ARGFX: variants seen among roughly 807,000 people sequenced by gnomAD.
The protein encoded by ARGFX is arginine-fifty homeobox.
A neutral mutation model predicts 8.0 loss-of-function variants in ARGFX; 10 were observed. The observed-to-expected ratio is 1.25, with a 90% CI of 0.77 to 2.12. The LOEUF (loss-of-function observed/expected upper bound fraction) is 2.12, where lower values mean the gene tolerates loss of function less well. Ranked by LOEUF, ARGFX falls within the 30% of genes most tolerant of loss-of-function variation. The pLI is 0.00. For missense variants in ARGFX, 282 were observed against 324.3 expected (o/e 0.87, Z 1.00); for synonymous variants, 116 against 117.8 (o/e 0.98, Z 0.10).
In ARGFX at chr3:121,576,334, A is replaced by AATTT. The variant is rs1171410821; in HGVS notation, c.104-433_104-430dup. 2.2e-3 allele frequency among the ~76,000 whole-genome samples: 327 copies of AATTT among 152,008 alleles called. 1 individual carries two copies. The highest frequency in any genetic ancestry group is 7.5e-3 in the African/African-American group (312 of 41,478). On this transcript the variant is annotated intron_variant, in intron 2 of 4. Coordinates refer to ENST00000334384, the MANE Select transcript of ARGFX (RefSeq NM_001012659.2). ...CTAAAGTGTGTCTATTTCCAAACTC[A>AATTT]ATTTATTTATTTATTTATTTCTGAG...
chr3:121,584,989 G>T lies in ARGFX; in HGVS notation c.293G>T (p.Ser98Ile). ...QQYEELEALF[S>I]QTMFPDRNLQ... ...TATGAGGAGCTAGAAGCTCTGTTTAGCCAGACCATGTTCCCAGATAGAAAT... is the reference window on the plus strand; with the variant it reads ...TATGAGGAGCTAGAAGCTCTGTTTATCCAGACCATGTTCCCAGATAGAAAT... The change falls in exon 4 of 5, where the codon AGC becomes ATC. Residue 98 changes from serine to isoleucine, a missense_variant. By Grantham distance (142) the Ser-to-Ile change is moderately radical (BLOSUM62 -2). Transcript: ENST00000334384. 6.2e-7 allele frequency: 1 copy of T among 1,613,998 alleles called. No homozygotes were observed. Among genetic ancestry groups the T allele is most frequent in the Non-Finnish European group, 8.5e-7 (1 of 1,180,000 alleles).
In ARGFX at chr3:121,587,741, C is replaced by T. The variant is rs982502908; in HGVS notation, c.*1141C>T. 6.6e-6 allele frequency among the ~76,000 whole-genome samples: 1 copy of T among 152,150 alleles called. No individual in the cohort carries two copies. The highest frequency in any genetic ancestry group is 6.5e-5 in the Admixed American group (1 of 15,272). ...TGGCACCATCTTGGCTCACTGCAGC[C>T]TCTGCCTCCTGGGCTCAAACAGTCC... On this transcript the variant is annotated 3_prime_UTR_variant, in exon 5 of 5. Coordinates refer to ENST00000334384, the MANE Select transcript of ARGFX (RefSeq NM_001012659.2).
chr3:121,573,929 T>C (rs1230377688), intron 2 of ARGFX, among the ~76,000 whole-genome samples: 3 of 148,828 alleles, frequency 2.0e-5, no homozygotes, highest in Non-Finnish European at 4.5e-5. Context: ...GACAAATCCA[T>C]GAAAGATGCT....
chr3:121,585,856 C>A (rs1406799985), intron 4 of ARGFX, among the ~76,000 whole-genome samples, 166 bp from the exon 5 acceptor site: 1 of 152,092 alleles, frequency 6.6e-6, no homozygotes, highest in Non-Finnish European at 1.5e-5. Flanking sequence ...CTTCATCATC[C>A]CTCCTACTGA....
chr3:121,574,926 A>C (rs1325438442), intron 2 of ARGFX, among the ~76,000 whole-genome samples: 2 of 152,212 alleles, frequency 1.3e-5, no homozygotes, highest in East Asian at 3.8e-4. Flanking sequence ...AGTTCAGAAA[A>C]TTGATATGTT....
intron 2 of ARGFX, among the ~76,000 whole-genome samples, chr3:121,573,848 CAAAAAAAAAAA>C (rs35593006): frequency 3.4e-5 from 2 of 59,036 alleles, no homozygotes; most frequent in African/African-American, 1.4e-4. Flanking sequence ...AACTCCATCT[CAAAAAAAAAAA>C]AAAAAAAAAA....
At chr3:121,579,908 TTTTC>T (rs1358634150) in intron 3 of ARGFX, among the ~76,000 whole-genome samples, 9 of 151,126 alleles carry the variant, frequency 6.0e-5, no homozygotes, top group Non-Finnish European at 8.9e-5. Flanking sequence ...CAAATTTATA[TTTTC>T]TTTCTTTCTT....
At chr3:121,573,253 C>T (rs779931777) in intron 2 of ARGFX, among the ~76,000 whole-genome samples, 1 of 152,074 alleles carries the variant, frequency 6.6e-6, no homozygotes, top group Non-Finnish European at 1.5e-5. Flanking sequence ...GGCCGAGATG[C>T]GTGGATCACC....
intron 2 of ARGFX, among the ~76,000 whole-genome samples, chr3:121,571,573 A>T (rs541879225): frequency 1.3e-5 from 2 of 150,482 alleles, no homozygotes; most frequent in South Asian, 4.2e-4. Context: ...TATTATTATT[A>T]TTATTTTTTG....
At chr3:121,579,945 CTTTTTTTTTTTTT>C (rs1174620508) in intron 3 of ARGFX, among the ~76,000 whole-genome samples, 79 of 91,580 alleles carry the variant, frequency 8.6e-4, no homozygotes, top group African/African-American at 3.5e-3. Context: ...CTTTTCTTTT[CTTTTTTTTTTTTT>C]TTTTTTTTTT....
chr3:121,577,259 A>ATATATATTTT (rs1403064031), intron 3 of ARGFX, among the ~76,000 whole-genome samples: 79 of 59,592 alleles, frequency 1.3e-3, no homozygotes, highest in African/African-American at 3.2e-3. Flanking sequence ...ATATATATAT[A>ATATATATTTT]TTTTTTTTTT....
chr3:121,579,857 G>C (rs1173728312), intron 3 of ARGFX, among the ~76,000 whole-genome samples: 1 of 151,752 alleles, frequency 6.6e-6, no homozygotes, highest in Non-Finnish European at 1.5e-5. Context: ...CCAAAGTGCT[G>C]GGATTACAGG....
In ARGFX at chr3:121,589,830, T is replaced by C. The variant is rs1488129168; in HGVS notation, c.*3230T>C. The stretch of plus-strand genomic sequence containing the variant: ...CAAAAATTAAAATTCTTAAGAAAAC[T>C]TCACTAATATATAGTCATAATGTGG... On this transcript the variant is annotated 3_prime_UTR_variant, in exon 5 of 5. Transcript: ENST00000334384. Among the ~76,000 whole-genome samples, 1 of 152,128 alleles carries C rather than the reference T, an allele frequency of 6.6e-6. No homozygotes were observed. Among genetic ancestry groups the C allele is most frequent in the Non-Finnish European group, 1.5e-5 (1 of 68,038 alleles).
intron 2 of ARGFX, among the ~76,000 whole-genome samples, chr3:121,573,036 C>T (rs377174206): frequency 8.3e-4 from 127 of 152,148 alleles, no homozygotes; most frequent in South Asian, 7.9e-3. Context: ...CTGCAAAGCT[C>T]ATAGAAAAAA....
At chr3:121,583,685 C>A (rs2048793829) in intron 3 of ARGFX, among the ~76,000 whole-genome samples, 1 of 151,828 alleles carries the variant, frequency 6.6e-6, no homozygotes, top group African/African-American at 2.4e-5. Flanking sequence ...TGCAACCATG[C>A]CCAGCTAATT....
At chr3:121,581,734 C>G (rs887200291) in intron 3 of ARGFX, among the ~76,000 whole-genome samples, 1 of 152,030 alleles carries the variant, frequency 6.6e-6, no homozygotes, top group African/African-American at 2.4e-5. Context: ...AACCTCATCT[C>G]TACACACACA....
At chr3:121,575,079 G>A (rs1379321731) in intron 2 of ARGFX, among the ~76,000 whole-genome samples, 2 of 152,144 alleles carry the variant, frequency 1.3e-5, no homozygotes, top group African/African-American at 4.8e-5. Context: ...CGGCACTTTG[G>A]GAGGCCGAGG....
intron 2 of ARGFX, 72 bp downstream of exon 2, chr3:121,570,888 T>A: frequency 4.7e-6 from 5 of 1,055,182 alleles, no homozygotes; most frequent in Non-Finnish European, 5.3e-6. Context: ...CAATTGCATT[T>A]TGCATTTGTT....
chr3:121,570,703 T>C lies in ARGFX; in HGVS notation c.-11T>C. 1.3e-6 allele frequency: 2 copies of C among 1,591,270 alleles called. No individual in the cohort carries two copies. Among genetic ancestry groups the C allele is most frequent in the Non-Finnish European group, 1.7e-6 (2 of 1,167,390 alleles). ...TATCTCATAGGCCTTCCATCTCAGA[T>C]TTCAGAAACCATGAGGAACAGAATG... On this transcript the variant is annotated splice_region_variant and 5_prime_UTR_variant, in exon 2 of 5. Coordinates refer to ENST00000334384, the MANE Select transcript of ARGFX (RefSeq NM_001012659.2).
Sources: allele counts gnomAD v4.1 joint callset (sites outside exome capture counted in the v4.1 genomes callset), GRCh38; gene constraint gnomAD v4.1.1; transcripts MANE v1.5; gene names NCBI Gene and HGNC (gene_info 2026-07-23, HGNC 2026-07-21).